MREG: variants seen among roughly 807,000 people sequenced by gnomAD.
The protein encoded by MREG is dilute suppressor protein homolog.
In MREG, 31 loss-of-function variants were observed where a neutral mutation model predicts 28.5. The ratio of observed to expected loss-of-function variants is 1.09; its 90% confidence interval spans 0.82 to 1.47. The LOEUF (loss-of-function observed/expected upper bound fraction) is 1.47. Among genes scored for constraint, MREG ranks in the 40% most tolerant of loss-of-function variants. The pLI is 0.00. For missense variants in MREG, 256 were observed against 257.4 expected (o/e 0.99, Z 0.04); for synonymous variants, 106 against 95.2 (o/e 1.11, Z -0.66).
chr2:215,946,418 T>C (rs1692320723), intron 3 of MREG, among the ~76,000 whole-genome samples: 1 of 149,494 alleles, frequency 6.7e-6, no homozygotes, highest in Non-Finnish European at 1.5e-5. Flanking sequence ...ATCAAGGACT[T>C]CAGAACTGAT....
chr2:215,996,550 T>C (rs2303845), intron 1 of MREG, 85 bp from the exon 2 acceptor site: 544,451 of 949,940 alleles, frequency 0.57, 158,742 homozygotes, highest in Non-Finnish European at 0.61. Context: ...ACAATATCAA[T>C]TAAAACTTAT....
chr2:215,944,390 A>C lies in MREG; in HGVS notation c.*473T>G, dbSNP rs1692266702. 1 of 152,658 alleles carries C rather than the reference A, an allele frequency of 6.6e-6. No individual in the cohort carries two copies. The allele number at this position is 152,658 out of a possible 1,614,324, so 9.5% of individuals were successfully genotyped here. On this transcript the variant is annotated 3_prime_UTR_variant, in exon 5 of 5. Transcript: ENST00000263268. The stretch of plus-strand genomic sequence containing the variant: ...GTTCTACAAGGTGACCAAATCAGAG[A>C]GGTCACCTCATGCCTAGTATTATTT...
In MREG at chr2:215,996,366, G is replaced by C. The variant is rs201988343; in HGVS notation, c.195C>G (p.Asp65Glu). 1.2e-6 allele frequency: 2 copies of C among 1,613,938 alleles called. No homozygotes were observed. Residue 65 changes from aspartate to glutamate, a missense_variant, in exon 2 of 5, where the codon GAC becomes GAG. Asp to Glu is a conservative substitution (Grantham distance 45). Coordinates refer to ENST00000263268, the MANE Select transcript of MREG (RefSeq NM_018000.3). ...TCAAATTGTACAGGGTTCTGTCGTC[G>C]TCTGCCTCTGTGTGGGACACATCAT... is the stretch of plus-strand genomic sequence containing the variant. ...MPHDVSHTEADDDRTLYNLIV... is the reference protein window; with the variant it reads ...MPHDVSHTEAEDDRTLYNLIV...
intron 2 of MREG, among the ~76,000 whole-genome samples, chr2:215,949,868 T>C (rs1180583938): frequency 6.6e-6 from 1 of 152,270 alleles, no homozygotes; most frequent in Non-Finnish European, 1.5e-5. Context: ...GTTATGACTT[T>C]ATTCATATTT....
intron 2 of MREG, among the ~76,000 whole-genome samples, chr2:215,960,887 C>G (rs771848278): frequency 6.6e-6 from 1 of 152,032 alleles, no homozygotes; most frequent in African/African-American, 2.4e-5. Context: ...TGGGCCTGGA[C>G]GGTGTCAAGG....
chr2:215,995,332 A>T (rs1205632251), intron 2 of MREG, among the ~76,000 whole-genome samples: 4 of 151,968 alleles, frequency 2.6e-5, no homozygotes, highest in Non-Finnish European at 5.9e-5. Context: ...CACATCTCTA[A>T]CCCCTCCAAA....
intron 2 of MREG, among the ~76,000 whole-genome samples, chr2:215,954,001 C>T (rs1692551413): frequency 1.3e-5 from 2 of 152,188 alleles, no homozygotes; most frequent in African/African-American, 4.8e-5. Context: ...ATCTTTCTGT[C>T]CCAGAAGTGT....
rs557304923 is a variant in MREG at position 216,007,889 on chromosome 2, T to C, written c.95+5344A>G. On this transcript the variant is annotated intron_variant, in intron 1 of 4. Transcript: ENST00000263268. ...GTGTTGGCCATGAGTTCAATGTTGA[T>C]AGAGCAACAATATATATTAAATAAG... Among the ~76,000 whole-genome samples the C allele has an allele frequency of 1.7e-3, 254 of 152,224 alleles. 1 individual carries two copies. Among genetic ancestry groups the C allele is most frequent in the African/African-American group, 5.8e-3 (240 of 41,530 alleles).
upstream of MREG, chr2:216,033,046 A>G (rs1171277273): frequency 6.6e-6 from 1 of 152,216 alleles, no homozygotes; most frequent in Non-Finnish European, 1.5e-5. Flanking sequence ...TTTTCATTTT[A>G]CACATTTTAA....
rs374958414 is a variant in MREG, at chr2:215,988,629, C to T, written c.255+7677G>A. ...TCCCACTCCCATGGAGCCCAGCAAG[C>T]TAAGATCCACTGGCTTGAAATTCTC... On this transcript the variant is annotated intron_variant, in intron 2 of 4. Coordinates refer to ENST00000263268, the MANE Select transcript of MREG (RefSeq NM_018000.3). Among the ~76,000 whole-genome samples the T allele has an allele frequency of 3.3e-5, 5 of 152,206 alleles. No individual in the cohort carries two copies. The East Asian group carries it at 7.7e-4, about 23-fold the overall frequency.
chr2:216,004,565 A>AAAAAAAAAAAAC (rs1559195419), intron 1 of MREG, among the ~76,000 whole-genome samples: 1 of 43,706 alleles, frequency 2.3e-5, no homozygotes, highest in Non-Finnish European at 5.2e-5. Context: ...AAAAACAAAC[A>AAAAAAAAAAAAC]AAAAAAAAAA....
intron 2 of MREG, among the ~76,000 whole-genome samples, chr2:215,953,858 T>C (rs906563017): frequency 2.0e-5 from 3 of 152,220 alleles, no homozygotes; most frequent in East Asian, 1.9e-4. Context: ...ACAATATAGA[T>C]ACCACACAAA....
rs201227152 is a variant in MREG, at chr2:216,030,958, A to T, written c.-68+1831T>A. On this transcript the variant is annotated intron_variant, in intron 1 of 3. Coordinates refer to the MREG transcript ENST00000420348. ...CTCTCTCTCTCTCTCTCTCTCTCTC[A>T]CACACACACACACACACACACACAC... 8.9e-3 allele frequency among the ~76,000 whole-genome samples: 928 copies of T among 104,586 alleles called. 6 individuals are homozygous for T. The highest frequency in any genetic ancestry group is 0.014 in the Middle Eastern group (3 of 218). 68.6% of individuals were successfully genotyped at this position (104,586 alleles called of 152,430 possible).
At chr2:216,022,211 AC>A (rs1694530076) in intron 1 of MREG, among the ~76,000 whole-genome samples, 1 of 152,170 alleles carries the variant, frequency 6.6e-6, no homozygotes. Context: ...AGATAGTGCC[AC>A]TGTGTTCCAG....
intron 2 of MREG, among the ~76,000 whole-genome samples, chr2:215,981,073 CAAATT>C (rs1189531228): frequency 2.0e-5 from 3 of 152,060 alleles, no homozygotes; most frequent in Non-Finnish European, 2.9e-5. Context: ...AAAAATTTAA[CAAATT>C]AAATAACTTA....
At position 215,943,603 on chromosome 2, in the gene MREG, A is replaced by G. The variant is rs1011407404; in HGVS notation, c.*1260T>C. On this transcript the variant is annotated 3_prime_UTR_variant, in exon 5 of 5. Transcript: ENST00000263268. ...ACGCCTGTAATCCCAGCACTTTGGG[A>G]GGCTGGGGCAGGCGGATGACGAGGT... The G allele has an allele frequency of 1.5e-5, 6 of 413,246 alleles. No individual in the cohort carries two copies. Among genetic ancestry groups the G allele is most frequent in the African/African-American group, 8.2e-5 (4 of 48,702 alleles). 25.6% of individuals were successfully genotyped at this position (413,246 alleles called of 1,614,324 possible).
intron 2 of MREG, among the ~76,000 whole-genome samples, chr2:215,961,426 G>A (rs867469532): frequency 4.0e-4 from 61 of 151,902 alleles, no homozygotes; most frequent in Middle Eastern, 3.4e-3. Context: ...CAGGCCCCCC[G>A]CCTTTTTTGT....
intron 2 of MREG, among the ~76,000 whole-genome samples, chr2:215,981,039 G>A (rs1451563393): frequency 6.6e-6 from 1 of 151,920 alleles, no homozygotes; most frequent in Non-Finnish European, 1.5e-5. Flanking sequence ...CAGATACTGT[G>A]GGAAACAGTA....
chr2:215,946,046 AC>A (rs1345357008), intron 3 of MREG, among the ~76,000 whole-genome samples: 2 of 150,020 alleles, frequency 1.3e-5, no homozygotes, highest in African/African-American at 2.5e-5. Context: ...TGTCCTCCCT[AC>A]TCTTTAGCTT....
Sources: gnomAD v4.1 joint callset for allele counts (sites outside exome capture counted in the v4.1 genomes callset) on GRCh38, gnomAD v4.1.1 for gene constraint, MANE v1.5 for transcripts, NCBI Gene and HGNC (gene_info 2026-07-23, HGNC 2026-07-21) for gene names.